Variants in NR3C1 observed in about 807,000 individuals in gnomAD.
NR3C1 encodes the protein glucocorticoid receptor.
A neutral mutation model predicts 74.0 loss-of-function variants in NR3C1; 14 were observed. The observed-to-expected ratio is 0.19, with a 90% CI of 0.12 to 0.30. The LOEUF is 0.30. Among genes scored for constraint, NR3C1 ranks in the 10% least tolerant of loss-of-function variants. The pLI is 1.00. For synonymous variants in NR3C1, 308 were observed against 332.5 expected (o/e 0.93, Z 0.80); for missense variants, 695 against 909.8 (o/e 0.76, Z 3.04).
chr5:143,424,975 C>T (rs1324365519), intron 1 of NR3C1, among the ~76,000 whole-genome samples: 1 of 152,126 alleles, frequency 6.6e-6, no homozygotes, highest in African/African-American at 2.4e-5. Flanking sequence ...CGAGGACTCA[C>T]AAAACGTACT....
chr5:143,431,652 TTAAAG>T (rs2151964353), intron 1 of NR3C1, among the ~76,000 whole-genome samples: 1 of 152,066 alleles, frequency 6.6e-6, no homozygotes, highest in East Asian at 1.9e-4. Flanking sequence ...ATCCCAGAAC[TTAAAG>T]TAAAATAAAA....
intron 2 of NR3C1, among the ~76,000 whole-genome samples, chr5:143,337,210 T>C (rs1041865830): frequency 6.6e-6 from 1 of 152,180 alleles, no homozygotes; most frequent in Non-Finnish European, 1.5e-5. Context: ...AAAAAACTTA[T>C]ACTTTACAAT....
intron 2 of NR3C1, among the ~76,000 whole-genome samples, chr5:143,319,469 T>TG (rs1338260441): frequency 2.6e-5 from 4 of 152,132 alleles, no homozygotes; most frequent in Non-Finnish European, 4.4e-5. Context: ...ATTCCAGAAA[T>TG]ACAGCTGCTA....
At chr5:143,357,593 T>A (rs561997366) in intron 2 of NR3C1, among the ~76,000 whole-genome samples, 1 of 152,332 alleles carries the variant, frequency 6.6e-6, no homozygotes, top group East Asian at 1.9e-4. Context: ...CCCTTTCTCT[T>A]GCTCTCCTTC....
chr5:143,371,783 G>A (rs540921108), intron 2 of NR3C1, among the ~76,000 whole-genome samples: 83 of 152,160 alleles, frequency 5.5e-4, no homozygotes, highest in Non-Finnish European at 1.1e-3. Context: ...TAAGAGTTCT[G>A]TGTGACTATA....
intron 1 of NR3C1, among the ~76,000 whole-genome samples, chr5:143,411,616 A>C (rs1432555579): frequency 6.6e-6 from 1 of 152,210 alleles, no homozygotes; most frequent in Non-Finnish European, 1.5e-5. Flanking sequence ...ATATTCTGCA[A>C]AAATCACTGA....
chr5:143,310,875 C>T (rs1002059918), intron 3 of NR3C1, among the ~76,000 whole-genome samples: 7 of 152,160 alleles, frequency 4.6e-5, no homozygotes, highest in African/African-American at 1.2e-4. Flanking sequence ...CTAGGATTGT[C>T]TCGATCTCAG....
rs1813151638 is a variant in NR3C1 at position 143,281,787 on chromosome 5, T to C, written c.*102A>G. 7.8e-7 allele frequency: 1 copy of C among 1,287,674 alleles called. No individual in the cohort carries two copies. The highest frequency in any genetic ancestry group is 1.2e-5 in the South Asian group (1 of 80,186). 79.8% of individuals were successfully genotyped at this position (1,287,674 alleles called of 1,614,324 possible). ...AAAACAAAACAACAGATGAAAACAA[T>C]AAAAAATAAAACAACAAAACCTCTA... is the stretch of plus-strand genomic sequence containing the variant. On this transcript the variant is annotated 3_prime_UTR_variant, in exon 9 of 9. Coordinates refer to ENST00000394464, the MANE Select transcript of NR3C1 (RefSeq NM_000176.3).
At chr5:143,318,373 T>C (rs542107456) in intron 2 of NR3C1, among the ~76,000 whole-genome samples, 93 of 152,310 alleles carry the variant, frequency 6.1e-4, no homozygotes, top group Admixed American at 1.0e-3. Context: ...GATTGTTACA[T>C]TGAAATATGT....
intron 2 of NR3C1, among the ~76,000 whole-genome samples, chr5:143,324,301 T>C (rs1824066865): frequency 1.3e-5 from 2 of 152,182 alleles, no homozygotes; most frequent in Non-Finnish European, 2.9e-5. Context: ...TAGGCAGAGG[T>C]TCCCAAACCT....
At chr5:143,324,591 T>C (rs1459536047) in intron 2 of NR3C1, among the ~76,000 whole-genome samples, 4 of 152,190 alleles carry the variant, frequency 2.6e-5, no homozygotes, top group Non-Finnish European at 5.9e-5. Context: ...ATTTTCCCCA[T>C]GGTCTTGGGG....
At chr5:143,416,972 C>G (rs960430470) in intron 1 of NR3C1, among the ~76,000 whole-genome samples, 1 of 151,998 alleles carries the variant, frequency 6.6e-6, no homozygotes, top group East Asian at 1.9e-4. Flanking sequence ...ACATAAATTG[C>G]TTTTCTATTT....
At chr5:143,384,754 C>A (rs1836864383) in intron 2 of NR3C1, among the ~76,000 whole-genome samples, 1 of 152,238 alleles carries the variant, frequency 6.6e-6, no homozygotes, top group African/African-American at 2.4e-5. Flanking sequence ...GCTGCTTTCA[C>A]AGGCTAGCAT....
intron 2 of NR3C1, among the ~76,000 whole-genome samples, chr5:143,367,541 T>C (rs1833464068): frequency 6.6e-6 from 1 of 152,214 alleles, no homozygotes; most frequent in East Asian, 1.9e-4. Context: ...TGCTAATCAA[T>C]GATTTCAGCT....
intron 4 of NR3C1, among the ~76,000 whole-genome samples, chr5:143,308,467 A>AAAT: frequency 6.6e-6 from 1 of 152,238 alleles, no homozygotes; most frequent in South Asian, 2.1e-4. Context: ...TCTGTCTCTA[A>AAAT]AATAATAATA....
intron 2 of NR3C1, among the ~76,000 whole-genome samples, chr5:143,362,407 C>T (rs1183260850): frequency 6.6e-6 from 1 of 150,890 alleles, no homozygotes; most frequent in East Asian, 1.9e-4. Context: ...GTCACCCAGG[C>T]TGGAGTGCAG....
intron 2 of NR3C1, among the ~76,000 whole-genome samples, chr5:143,380,376 T>C (rs1835967119): frequency 6.6e-6 from 1 of 152,204 alleles, no homozygotes; most frequent in Non-Finnish European, 1.5e-5. Context: ...GGGATTTAAT[T>C]CACACTGAAT....
intron 1 of NR3C1, among the ~76,000 whole-genome samples, chr5:143,423,557 A>G (rs1284032407): frequency 6.6e-6 from 1 of 152,066 alleles, no homozygotes; most frequent in African/African-American, 2.4e-5. Context: ...TCCTAAAAAC[A>G]ACAACAACAA....
In NR3C1 at chr5:143,298,654, C is replaced by T. The variant is rs1473139786; in HGVS notation, c.1892+14G>A. 1.2e-6 allele frequency: 2 copies of T among 1,611,664 alleles called. No homozygotes were observed. Among genetic ancestry groups the T allele is most frequent in the South Asian group, 1.1e-5 (1 of 90,968 alleles). ...CCCTATGAATACAGGGAAAATGACA[C>T]ACATACAACTTACTCATTAATAATC... On this transcript the variant is annotated intron_variant, in intron 6 of 8. Coordinates refer to ENST00000394464, the MANE Select transcript of NR3C1 (RefSeq NM_000176.3).
Sources: gnomAD v4.1 joint callset for allele counts (sites outside exome capture counted in the v4.1 genomes callset) on GRCh38, gnomAD v4.1.1 for gene constraint, MANE v1.5 for transcripts, NCBI Gene and HGNC (gene_info 2026-07-23, HGNC 2026-07-21) for gene names.